Variants in ANLN observed in about 807,000 individuals in gnomAD.
The protein encoded by ANLN is anillin, actin binding protein, also known as anillin.
Under a neutral mutation model 135.1 loss-of-function variants are expected in ANLN, and 59 were observed. The ratio of observed to expected loss-of-function variants is 0.44; its 90% CI spans 0.35 to 0.54. ANLN has a LOEUF of 0.54. Among genes scored for constraint, ANLN ranks in the 20% least tolerant of loss-of-function variants. The pLI is 0.00. For synonymous variants in ANLN, 406 were observed against 456.4 expected, an observed-to-expected ratio of 0.89 and a Z score of 1.41; for missense variants, 1,182 against 1,340.0, an observed-to-expected ratio of 0.88 and a Z score of 1.84.
In ANLN at chr7:36,425,725, C is replaced by G; in HGVS notation, c.2733C>G (p.Leu911=). ...KSKAITPKRL[L]TSITTKSNIH... ...AGGCTATTACTCCAAAGCGACTCCT[C>G]ACATCTATAACCACAGTAAGTAGAA... Residue 911 remains leucine (L), a synonymous_variant, in exon 18 of 24, where the codon CTC becomes CTG. Transcript: ENST00000265748. 1 of 1,612,004 alleles carries G rather than the reference C, an allele frequency of 6.2e-7. No individual in the cohort carries two copies. Among genetic ancestry groups the G allele is most frequent in the Non-Finnish European group, 8.5e-7 (1 of 1,178,434 alleles).
At chr7:36,420,447 C>A in intron 11 of ANLN, 133 bp downstream of exon 11, 1 of 1,300,756 alleles carries the variant, frequency 7.7e-7, no homozygotes, top group South Asian at 1.4e-5. Context: ...TTTTGTTAGC[C>A]TCTCTTTCAC....
At chr7:36,402,813 C>CT (rs1483446813) in intron 3 of ANLN, among the ~76,000 whole-genome samples, 1 of 152,162 alleles carries the variant, frequency 6.6e-6, no homozygotes, top group Non-Finnish European at 1.5e-5. Flanking sequence ...TAAGGAGTCT[C>CT]TCCCTCCTCC....
At chr7:36,431,857 AT>A (rs2116727758) in intron 20 of ANLN, among the ~76,000 whole-genome samples, 1 of 151,810 alleles carries the variant, frequency 6.6e-6, no homozygotes, top group South Asian at 2.1e-4. Context: ...TTCCTTGCTA[AT>A]AAATGTCCCT....
rs761105969 is a variant in ANLN, at chr7:36,452,497, C to T, written c.3272C>T (p.Thr1091Ile). The change falls in exon 24 of 24, where the codon ACT becomes ATT. Residue 1091 changes from threonine to isoleucine, a missense_variant. This residue lies in a region of ANLN where 78 missense variants were observed against 72.7 expected (regional missense o/e 1.07). Transcript: ENST00000265748. ...CVTKNWLSAD[T>I]KEERDLWMQK... ...TGTAGGAACTGGCTGTCTGCAGATA[C>T]TAAAGAAGAGCGGGATCTCTGGATG... 1.9e-6 allele frequency: 3 copies of T among 1,613,880 alleles called. No homozygotes were observed. The highest frequency in any genetic ancestry group is 2.7e-5 in the African/African-American group (2 of 74,902).
intron 21 of ANLN, among the ~76,000 whole-genome samples, chr7:36,441,399 C>T (rs1024935539): frequency 2.6e-5 from 4 of 152,324 alleles, no homozygotes; most frequent in African/African-American, 7.2e-5. Flanking sequence ...TCTGCCTAAA[C>T]ATTGCATTTT....
Position 36,411,063 on chromosome 7 carries a change from G to A in ANLN, c.1292G>A (p.Arg431His), listed in dbSNP as rs370006889. 11 of 1,604,310 alleles carry A rather than the reference G, an allele frequency of 6.9e-6. No homozygotes were observed. The highest frequency in any genetic ancestry group is 5.4e-5 in the African/African-American group (4 of 74,156). Residue 431 changes from arginine (R) to histidine (H), a missense_variant, in exon 7 of 24, where the codon CGT becomes CAT. By Grantham distance (29) the Arg-to-His change is conservative. This residue lies in a region of ANLN where 1,022 missense variants were observed against 1,134.0 expected (regional missense o/e 0.90). Transcript: ENST00000265748. ...TACAGCTTTTGATGGGTTTAGGAAC[G>A]TCAAAAAGAACTAGCATGTCTTCGT... ...THLAQQLKQE[R>H]QKELACLRGR... is the part of the protein sequence containing the mutation.
At chr7:36,450,784 G>T (rs778615631) in intron 23 of ANLN, among the ~76,000 whole-genome samples, 5 of 152,122 alleles carry the variant, frequency 3.3e-5, no homozygotes, top group African/African-American at 1.2e-4. Context: ...CCATGGTCAC[G>T]GTCAGTGGAG....
In ANLN at chr7:36,427,002, G is replaced by A. The variant is rs1362706097; in HGVS notation, c.2857G>A (p.Gly953Arg). The A allele has an allele frequency of 1.2e-6, 2 of 1,611,014 alleles. No homozygotes were observed. The highest frequency in any genetic ancestry group is 1.1e-5 in the South Asian group (1 of 90,424). The change falls in exon 20 of 24, where the codon GGA becomes AGA. Residue 953 changes from glycine to arginine, a missense_variant. By Grantham distance (125) the Gly-to-Arg change is moderately radical. Around this residue, in one of 3 missense-constraint regions of ANLN, gnomAD observed 1,022 missense variants for 1,134.0 expected, o/e 0.90. Coordinates refer to ENST00000265748, the MANE Select transcript of ANLN (RefSeq NM_018685.5). Reference protein sequence around the residue: ...GSYTLSLSSVGNTKFVLDKVP... With the variant: ...GSYTLSLSSVRNTKFVLDKVP... ...TTACACATTATCATTGTCTTCAGTA[G>A]GAAATACTAAGTTTGTTCTGGACAA...
At chr7:36,446,160 A>G (rs1010720874) in intron 22 of ANLN, among the ~76,000 whole-genome samples, 1 of 152,188 alleles carries the variant, frequency 6.6e-6, no homozygotes, top group African/African-American at 2.4e-5. Context: ...TTCTAATGTT[A>G]AGGTAATCAG....
intron 20 of ANLN, among the ~76,000 whole-genome samples, chr7:36,437,872 G>A (rs1429851759): frequency 6.6e-6 from 1 of 152,152 alleles, no homozygotes; most frequent in African/African-American, 2.4e-5. Context: ...CTGTGTTCAA[G>A]TGATTCTCCT....
intron 20 of ANLN, among the ~76,000 whole-genome samples, chr7:36,437,726 G>A (rs916187334): frequency 6.6e-6 from 1 of 151,822 alleles, no homozygotes; most frequent in African/African-American, 2.4e-5. Context: ...TGATCACAAA[G>A]CTTTACCTCT....
At chr7:36,392,909 G>A (rs188514976) in intron 1 of ANLN, among the ~76,000 whole-genome samples, 1 of 152,220 alleles carries the variant, frequency 6.6e-6, no homozygotes, top group East Asian at 1.9e-4. Flanking sequence ...AATGGAATGT[G>A]GGCATGTCCA....
chr7:36,416,145 C>T lies in ANLN; in HGVS notation c.1522+261C>T, dbSNP rs144425665. On this transcript the variant is annotated intron_variant, in intron 8 of 23. Transcript: ENST00000265748. ...AAACGATTTTCCTGCCTCAGCCTCC[C>T]GAGTAGCTGGGATTACAGGCGCCTG... Among the ~76,000 whole-genome samples the T allele has an allele frequency of 0.012, 1,788 of 152,188 alleles. 27 individuals carry two copies. Among genetic ancestry groups the T allele is most frequent in the Non-Finnish European group, 0.014 (929 of 68,018 alleles).
chr7:36,406,409 C>A lies in ANLN; in HGVS notation c.716C>A (p.Ser239Tyr). 17 of 1,613,484 alleles carry A rather than the reference C, an allele frequency of 1.1e-5. No individual in the cohort carries two copies. Among genetic ancestry groups the A allele is most frequent in the Admixed American group, 1.7e-5 (1 of 60,014 alleles). ...QPGTACLSKFSSASGASARIN... is the reference protein window; with the variant it reads ...QPGTACLSKFYSASGASARIN... The stretch of plus-strand genomic sequence containing the variant: ...GGTACCGCTTGTTTATCCAAATTTT[C>A]CTCTGCAAGTGGAGCATCTGCTAGG... Residue 239 changes from serine to tyrosine, a missense_variant, in exon 4 of 24, where the codon TCC becomes TAC. By Grantham distance (144) the Ser-to-Tyr change is moderately radical. This residue lies in a region of ANLN where 1,022 missense variants were observed against 1,134.0 expected (regional missense o/e 0.90). Coordinates refer to ENST00000265748, the MANE Select transcript of ANLN (RefSeq NM_018685.5).
intron 17 of ANLN, 31 bp from the exon 18 acceptor site, chr7:36,425,671 A>G: frequency 6.6e-7 from 1 of 1,523,682 alleles, no homozygotes; most frequent in Non-Finnish European, 9.1e-7. Flanking sequence ...TTTAATAAGA[A>G]ATATATATAG....
At chr7:36,446,307 AT>A (rs977703634) in intron 22 of ANLN, among the ~76,000 whole-genome samples, 9 of 150,142 alleles carry the variant, frequency 6.0e-5, no homozygotes, top group South Asian at 2.1e-4. Flanking sequence ...CCTAGAATTG[AT>A]TTTTTTTTTC....
chr7:36,394,384 T>C (rs73102275), intron 1 of ANLN, among the ~76,000 whole-genome samples: 5,978 of 152,266 alleles, frequency 0.039, 169 homozygotes, highest in African/African-American at 0.068. Context: ...AGAGGGGATC[T>C]GTTCAGTTGG....
Position 36,423,883 on chromosome 7 carries a change from T to G in ANLN, c.2543T>G (p.Leu848Ter). ...GCTGAAAATATGGTAGCCACACCAT[T>G]AGCAAGTACTTCAAACTCTCTTAAC... ...AGAENMVATP[L>*]ASTSNSLNGD... The change falls in exon 15 of 24, where the codon TTA becomes TGA. Residue 848 changes from leucine to a stop codon, truncating the protein, a stop_gained. Transcript: ENST00000265748. LOFTEE classifies it high-confidence loss of function. 2 of 1,612,804 alleles carry G rather than the reference T, an allele frequency of 1.2e-6. No homozygotes were observed. Among genetic ancestry groups the G allele is most frequent in the Non-Finnish European group, 1.7e-6 (2 of 1,179,270 alleles).
In ANLN at chr7:36,389,920, C is replaced by T. The variant is rs756414289; in HGVS notation, c.-107C>T. The stretch of plus-strand genomic sequence containing the variant: ...GCTGGTTGTGGGAGAGTTCCCCCGC[C>T]TCAGACTCCTGGTTTTTTCCAGGAG... On this transcript the variant is annotated 5_prime_UTR_variant, in exon 1 of 24. Coordinates refer to ENST00000265748, the MANE Select transcript of ANLN (RefSeq NM_018685.5). 1.2e-6 allele frequency: 2 copies of T among 1,603,918 alleles called. No homozygotes were observed. The highest frequency in any genetic ancestry group is 2.2e-5 in the South Asian group (2 of 90,706).
Sources: gnomAD v4.1 joint callset for allele counts (sites outside exome capture counted in the v4.1 genomes callset) on GRCh38, gnomAD v4.1.1 for gene constraint, gnomAD v4.1.1 regional missense constraint, MANE v1.5 for transcripts, NCBI Gene and HGNC (gene_info 2026-07-23, HGNC 2026-07-21) for gene names.